Variants in KCNQ3 observed in about 807,000 individuals in gnomAD.
KCNQ3 encodes potassium voltage-gated channel subfamily KQT member 3.
KCNQ3 carries 30 observed loss-of-function variants against 92.5 expected under a neutral mutation model. The ratio of observed to expected loss-of-function variants is 0.32; its 90% CI spans 0.24 to 0.44. The LOEUF (loss-of-function observed/expected upper bound fraction) is 0.44. Among genes scored for constraint, KCNQ3 ranks in the 20% least tolerant of loss-of-function variants. The pLI, the probability that KCNQ3 is intolerant of heterozygous loss-of-function variation, is 1.00. For missense variants in KCNQ3, 913 were observed against 1,140.3 expected, an observed-to-expected ratio of 0.80 and a Z score of 2.87; for synonymous variants, 450 against 468.8, an observed-to-expected ratio of 0.96 and a Z score of 0.52.
intron 1 of KCNQ3, among the ~76,000 whole-genome samples, chr8:132,187,872 GATA>G (rs1311669870): frequency 5.5e-5 from 6 of 108,766 alleles, no homozygotes; most frequent in Admixed American, 1.6e-4. Flanking sequence ...TGGTGGTGGT[GATA>G]GTGATGGTGG....
chr8:132,184,136 A>C, intron 3 of KCNQ3, 105 bp downstream of exon 3: 1 of 1,441,960 alleles, frequency 6.9e-7, no homozygotes, highest in Non-Finnish European at 9.7e-7. Flanking sequence ...TGGCCTCCAC[A>C]GTGCCGCGTG....
At chr8:132,359,889 C>T (rs1447904151) in intron 1 of KCNQ3, among the ~76,000 whole-genome samples, 2 of 152,208 alleles carry the variant, frequency 1.3e-5, no homozygotes, top group Non-Finnish European at 2.9e-5. Flanking sequence ...TCACCCACTA[C>T]TTCCTGCTAG....
At chr8:132,305,501 G>T (rs772899195) in intron 1 of KCNQ3, among the ~76,000 whole-genome samples, 11 of 152,090 alleles carry the variant, frequency 7.2e-5, no homozygotes, top group South Asian at 2.1e-4. Flanking sequence ...ACTCTTCCTT[G>T]CTTATCATAT....
intron 8 of KCNQ3, among the ~76,000 whole-genome samples, chr8:132,164,803 C>A (rs571668491): frequency 6.6e-6 from 1 of 152,166 alleles, no homozygotes; most frequent in African/African-American, 2.4e-5. Flanking sequence ...TCACTCTCCA[C>A]GATGAGTATT....
intron 1 of KCNQ3, among the ~76,000 whole-genome samples, chr8:132,451,459 T>C (rs1028576494): frequency 1.3e-5 from 2 of 152,224 alleles, no homozygotes; most frequent in African/African-American, 4.8e-5. Context: ...CCCTCCTCTA[T>C]GCCCACTGGC....
At chr8:132,240,182 CTTTTTTTTTTTTT>C (rs11342824) in intron 1 of KCNQ3, among the ~76,000 whole-genome samples, 9 of 111,908 alleles carry the variant, frequency 8.0e-5, no homozygotes, top group African/African-American at 3.1e-4. Context: ...TGCCATGATT[CTTTTTTTTTTTTT>C]TTTTTTTTGA....
chr8:132,457,864 T>A (rs183221675), intron 1 of KCNQ3, among the ~76,000 whole-genome samples: 1 of 152,114 alleles, frequency 6.6e-6, no homozygotes, highest in Admixed American at 6.6e-5. Context: ...CTTAGGAAGG[T>A]TAGCAACTTT....
chr8:132,402,467 G>A (rs1465060247), intron 1 of KCNQ3, among the ~76,000 whole-genome samples: 2 of 152,142 alleles, frequency 1.3e-5, no homozygotes, highest in Non-Finnish European at 2.9e-5. Flanking sequence ...TATGGGTAAG[G>A]TCTTTCGTGT....
chr8:132,332,415 G>T (rs2130664335), intron 1 of KCNQ3, among the ~76,000 whole-genome samples: 2 of 152,338 alleles, frequency 1.3e-5, no homozygotes, highest in Middle Eastern at 3.4e-3. Context: ...GGCACCCACT[G>T]CACACAGTAG....
chr8:132,180,885 GTCC>G (rs1826743591), intron 3 of KCNQ3, among the ~76,000 whole-genome samples: 2 of 150,686 alleles, frequency 1.3e-5, no homozygotes, highest in South Asian at 4.2e-4. Context: ...CCACTGTTGA[GTCC>G]TTTGAGCTGT....
chr8:132,140,293 T>C lies in KCNQ3; in HGVS notation c.1466-115A>G, dbSNP rs111968167. 1.4e-3 allele frequency: 949 copies of C among 692,732 alleles called. 1 individual carries two copies. The highest frequency in any genetic ancestry group is 2.1e-3 in the Non-Finnish European group (833 of 394,910). The allele number at this position is 692,732 out of a possible 1,614,324, so 42.9% of individuals were successfully genotyped here. A position where few individuals can be genotyped will look rare whatever the true frequency, so the allele number is the denominator to read the frequency against. On this transcript the variant is annotated intron_variant, in intron 10 of 14. Transcript: ENST00000388996. ...TGGATGTGTCAATCCCCAGAGTCTT[T>C]ATTTCCACGTTGCAAGACTCCACGG...
At chr8:132,168,539 C>T (rs551497819) in intron 8 of KCNQ3, among the ~76,000 whole-genome samples, 14 of 152,080 alleles carry the variant, frequency 9.2e-5, no homozygotes, top group African/African-American at 2.7e-4. Context: ...AGGTGTGTGG[C>T]GGTGGTGATC....
At chr8:132,449,397 C>T (rs1204230201) in intron 1 of KCNQ3, among the ~76,000 whole-genome samples, 2 of 151,940 alleles carry the variant, frequency 1.3e-5, no homozygotes, top group Non-Finnish European at 2.9e-5. Context: ...GAACATAGTA[C>T]AGTGGTCAAT....
chr8:132,478,884 C>T (rs2130873193), intron 1 of KCNQ3, among the ~76,000 whole-genome samples: 1 of 151,952 alleles, frequency 6.6e-6, no homozygotes, highest in African/African-American at 2.4e-5. Flanking sequence ...TAACTAACTC[C>T]AAGGCTCCTG....
intron 1 of KCNQ3, among the ~76,000 whole-genome samples, chr8:132,437,147 C>T (rs1236013955): frequency 1.3e-5 from 2 of 151,570 alleles, no homozygotes; most frequent in African/African-American, 4.8e-5. Flanking sequence ...GGCGAGGTGG[C>T]GGGCACCTGT....
chr8:132,349,383 T>C (rs1251241588), intron 1 of KCNQ3, among the ~76,000 whole-genome samples: 1 of 152,204 alleles, frequency 6.6e-6, no homozygotes, highest in Non-Finnish European at 1.5e-5. Context: ...AGAGATACGC[T>C]GCATTTTTCC....
intron 1 of KCNQ3, among the ~76,000 whole-genome samples, chr8:132,186,985 A>AGAGG (rs1826990045): frequency 6.6e-6 from 1 of 150,776 alleles, no homozygotes; most frequent in Non-Finnish European, 1.5e-5. Flanking sequence ...AGAGAGAGAG[A>AGAGG]GAGAGTGAGA....
intron 1 of KCNQ3, among the ~76,000 whole-genome samples, chr8:132,365,031 G>A (rs1819280140): frequency 6.6e-6 from 1 of 152,068 alleles, no homozygotes; most frequent in South Asian, 2.1e-4. Context: ...ATAGCAACAG[G>A]AAAGTGAAAA....
chr8:132,247,287 G>A (rs976274170), intron 1 of KCNQ3, among the ~76,000 whole-genome samples: 2 of 152,122 alleles, frequency 1.3e-5, no homozygotes, highest in Non-Finnish European at 2.9e-5. Context: ...TAGAGATTAA[G>A]CTGGGTAACT....
Sources: allele counts gnomAD v4.1 joint callset (sites outside exome capture counted in the v4.1 genomes callset), GRCh38; gene constraint gnomAD v4.1.1; transcripts MANE v1.5; gene names NCBI Gene and HGNC (gene_info 2026-07-23, HGNC 2026-07-21).